SSC4D: variants seen among roughly 807,000 people sequenced by gnomAD.
The protein encoded by SSC4D is scavenger receptor cysteine-rich domain-containing group B protein.
SSC4D carries 57 observed loss-of-function variants against 63.4 expected under a neutral mutation model. That is an observed-to-expected ratio of 0.90 (90% CI 0.73 to 1.12). SSC4D has a LOEUF of 1.12. Among genes scored for constraint, SSC4D ranks in the 50% most tolerant of loss-of-function variants. SSC4D has a pLI of 0.00. For missense variants in SSC4D, 791 were observed against 806.4 expected, an observed-to-expected ratio of 0.98 and a Z score of 0.23; for synonymous variants, 352 against 345.4, an observed-to-expected ratio of 1.02 and a Z score of -0.21.
At chr7:76,398,105 C>G (rs1260376717) in intron 5 of SSC4D, among the ~76,000 whole-genome samples, 2 of 152,140 alleles carry the variant, frequency 1.3e-5, no homozygotes, top group Admixed American at 6.6e-5. Flanking sequence ...CCTCAAGATA[C>G]AGCCCCACAC....
chr7:76,393,676 G>A lies in SSC4D; in HGVS notation c.1062C>T (p.Arg354=), dbSNP rs1254495124. Residue 354 remains arginine, a synonymous_variant, in exon 9 of 11, where the codon CGC becomes CGT. Transcript: ENST00000275560. ...CGGCGTGCAACACCTCCACGCGGCCGCGGCACGGACCCGGGCCGCCCACCA... is the reference window on the plus strand; with the variant it reads ...CGGCGTGCAACACCTCCACGCGGCCACGGCACGGACCCGGGCCGCCCACCA... ...LRLVGGPGPC[R]GRVEVLHAGG... The A allele has an allele frequency of 1.4e-6, 2 of 1,429,092 alleles. No homozygotes were observed. The highest frequency in any genetic ancestry group is 1.8e-6 in the Non-Finnish European group (2 of 1,097,460). 88.5% of individuals were successfully genotyped at this position (1,429,092 alleles called of 1,614,324 possible). A position where few individuals can be genotyped will look rare whatever the true frequency, so the allele number is the denominator to read the frequency against.
At chr7:76,394,973 G>C (rs1447115156) in intron 7 of SSC4D, among the ~76,000 whole-genome samples, 2 of 149,912 alleles carry the variant, frequency 1.3e-5, no homozygotes, top group Admixed American at 6.7e-5. Flanking sequence ...AAAGTGCTGG[G>C]ATTATAGGAG....
Position 76,398,814 on chromosome 7 carries a change from G to T in SSC4D, c.476-17C>A. 2 of 1,610,734 alleles carry T rather than the reference G, an allele frequency of 1.2e-6. No homozygotes were observed. The highest frequency in any genetic ancestry group is 1.7e-6 in the Non-Finnish European group (2 of 1,177,862). ...GCAAGAATTCTGGAAAGGAAGTGAA[G>T]TGGATACAGGGGTCTTTCTGTTCTC... is the stretch of plus-strand genomic sequence containing the variant. On this transcript the variant is annotated splice_polypyrimidine_tract_variant and intron_variant, in intron 4 of 10. Transcript: ENST00000275560.
intron 1 of SSC4D, among the ~76,000 whole-genome samples, chr7:76,406,281 G>A (rs1034751917): frequency 6.6e-6 from 1 of 152,120 alleles, no homozygotes; most frequent in African/African-American, 2.4e-5. Context: ...CCTGGTCTGT[G>A]CATTCGAAAT....
rs1805180213 is a variant in SSC4D at position 76,409,609 on chromosome 7, C to T, written c.-262G>A. The T allele has an allele frequency of 6.6e-6, 1 of 152,300 alleles. No individual in the cohort carries two copies. The highest frequency in any genetic ancestry group is 2.1e-4 in the South Asian group (1 of 4,832). 9.4% of individuals were successfully genotyped at this position (152,300 alleles called of 1,614,324 possible). A position where few individuals can be genotyped will look rare whatever the true frequency, so the allele number is the denominator to read the frequency against. Reference sequence around the variant, plus strand: ...CCTGTCCATGGAGCTGGCTGGTGGCCCCAGCCTGTCCCCATCCGACCTTAG... The same window carrying T: ...CCTGTCCATGGAGCTGGCTGGTGGCTCCAGCCTGTCCCCATCCGACCTTAG... On this transcript the variant is annotated 5_prime_UTR_variant, in exon 1 of 11. Transcript: ENST00000275560.
chr7:76,398,608 T>C, intron 5 of SSC4D, 112 bp downstream of exon 5: 3 of 1,254,912 alleles, frequency 2.4e-6, no homozygotes, highest in Non-Finnish European at 3.4e-6. Context: ...CCCAGCCATT[T>C]TCTCTAACTT....
chr7:76,394,032 C>T (rs1804572196), intron 7 of SSC4D, 128 bp from the exon 8 acceptor site: 1 of 876,338 alleles, frequency 1.1e-6, no homozygotes, highest in Non-Finnish European at 1.7e-6. Context: ...GCTGCAACCC[C>T]AGAGTCACCA....
In SSC4D at chr7:76,400,202, G is replaced by A. The variant is rs150028943; in HGVS notation, c.475+84C>T. 616 of 1,363,526 alleles carry A rather than the reference G, an allele frequency of 4.5e-4. 6 individuals are homozygous for A. In the East Asian group the frequency reaches 0.015, roughly 33 times the overall value. 84.5% of individuals were successfully genotyped at this position (1,363,526 alleles called of 1,614,324 possible). A position where few individuals can be genotyped will look rare whatever the true frequency, so the allele number is the denominator to read the frequency against. On this transcript the variant is annotated intron_variant, in intron 4 of 10. Transcript: ENST00000275560. The stretch of plus-strand genomic sequence containing the variant: ...ATCTGCATGGAACAGCCTTACCTGT[G>A]GGAAGTCCCTTCATTTATCTAGCCT...
chr7:76,401,407 G>C (rs1234939029), intron 2 of SSC4D, among the ~76,000 whole-genome samples: 1 of 147,390 alleles, frequency 6.8e-6, no homozygotes, highest in Admixed American at 6.9e-5. Context: ...GACCAGCCTC[G>C]CCTTTTTTCT....
At chr7:76,396,887 G>A (rs2115761081) in intron 6 of SSC4D, among the ~76,000 whole-genome samples, 1 of 152,294 alleles carries the variant, frequency 6.6e-6, no homozygotes. Flanking sequence ...GGATGACAGA[G>A]GGGTGTGCTA....
chr7:76,398,488 A>T (rs1038960076), intron 5 of SSC4D, among the ~76,000 whole-genome samples: 8 of 151,968 alleles, frequency 5.3e-5, no homozygotes, highest in African/African-American at 1.9e-4. Context: ...TATTTTTTGT[A>T]GAGACAGGGT....
In SSC4D at chr7:76,390,237, C is replaced by A; in HGVS notation, c.1550G>T (p.Gly517Val). 6.2e-7 allele frequency: 1 copy of A among 1,614,098 alleles called. No individual in the cohort carries two copies. Among genetic ancestry groups the A allele is most frequent in the Non-Finnish European group, 8.5e-7 (1 of 1,180,004 alleles). ...CTCGCCAGGGGCTGCGAGGGCCTGG[C>A]CACAGCCCAGCTGGCGGCACAGGAC... ...AGVLCRQLGC[G>V]QALAAPGEAH... Residue 517 changes from glycine to valine, a missense_variant, in exon 11 of 11, where the codon GGC becomes GTC. By Grantham distance (109) the Gly-to-Val change is moderately radical. Coordinates refer to ENST00000275560, the MANE Select transcript of SSC4D (RefSeq NM_080744.2).
At position 76,398,730 on chromosome 7, in the gene SSC4D, CG is replaced by C; in HGVS notation, c.542del (p.Pro181ArgfsTer12). The C allele has an allele frequency of 6.2e-7, 1 of 1,613,194 alleles. No individual in the cohort carries two copies. The highest frequency in any genetic ancestry group is 8.5e-7 in the Non-Finnish European group (1 of 1,179,408). Reference protein sequence around the residue: ...LTSRAPPTTLPNGKSEGSVRL... With the variant: ...LTSRAPPTTLXNGKSEGSVRL... ...ATTATGCTTACGTACTTTTTCCATTCGGCAGTGTCGTAGGAGGTGCTCTACT... is the reference window on the plus strand; with the variant it reads ...ATTATGCTTACGTACTTTTTCCATTCGCAGTGTCGTAGGAGGTGCTCTACT... On this transcript the variant is annotated frameshift_variant, in exon 5 of 11. Coordinates refer to ENST00000275560, the MANE Select transcript of SSC4D (RefSeq NM_080744.2). LOFTEE classifies it high-confidence loss of function.
chr7:76,392,756 G>A (rs1804520476), intron 9 of SSC4D, among the ~76,000 whole-genome samples: 1 of 151,764 alleles, frequency 6.6e-6, no homozygotes, highest in South Asian at 2.1e-4. Context: ...TCGTGCCACT[G>A]CAGCCCAGTC....
intron 10 of SSC4D, among the ~76,000 whole-genome samples, chr7:76,391,705 T>C (rs1402637920): frequency 6.6e-6 from 1 of 152,138 alleles, no homozygotes; most frequent in Non-Finnish European, 1.5e-5. Context: ...TTTTCATTGC[T>C]CTGCTCAGGA....
Position 76,404,315 on chromosome 7 carries a change from A to G in SSC4D, c.125T>C (p.Leu42Pro). ...AACAGGGGAGGACTCACCCAGTGGCAGGAGGAGAAGGAAAGACAGGGCTTG... is the reference window on the plus strand; with the variant it reads ...AACAGGGGAGGACTCACCCAGTGGCGGGAGGAGAAGGAAAGACAGGGCTTG... ...LPQALSFLLLLPLASALQPTP... is the reference protein window; with the variant it reads ...LPQALSFLLLPPLASALQPTP... Residue 42 changes from leucine (L) to proline (P), a missense_variant, in exon 2 of 11, where the codon CTG (leucine) becomes CCG (proline). Coordinates refer to ENST00000275560, the MANE Select transcript of SSC4D (RefSeq NM_080744.2). 6.2e-7 allele frequency: 1 copy of G among 1,602,732 alleles called. No homozygotes were observed. Among genetic ancestry groups the G allele is most frequent in the Non-Finnish European group, 8.5e-7 (1 of 1,174,234 alleles).
At chr7:76,393,030 ACT>A (rs1412291234) in intron 9 of SSC4D, among the ~76,000 whole-genome samples, 5 of 152,108 alleles carry the variant, frequency 3.3e-5, no homozygotes, top group South Asian at 2.1e-4. Flanking sequence ...AGGGTGATCC[ACT>A]CTCTGCTTAA....
intron 2 of SSC4D, among the ~76,000 whole-genome samples, chr7:76,401,533 C>T (rs1804829050): frequency 6.6e-6 from 1 of 152,192 alleles, no homozygotes; most frequent in African/African-American, 2.4e-5. Context: ...TCTTCTGCCT[C>T]AGCCTCCCGA....
intron 4 of SSC4D, 25 bp downstream of exon 4, chr7:76,400,261 C>T (rs570424679): frequency 2.8e-6 from 4 of 1,443,024 alleles, no homozygotes; most frequent in South Asian, 3.1e-5. Context: ...CTGTCTGTCC[C>T]TCCAGGTCCC....
Sources: gnomAD v4.1 joint callset for allele counts (sites outside exome capture counted in the v4.1 genomes callset) on GRCh38, gnomAD v4.1.1 for gene constraint, MANE v1.5 for transcripts, NCBI Gene and HGNC (gene_info 2026-07-23, HGNC 2026-07-21) for gene names.